The following B4GALT6 variants were observed in gnomAD, a reference collection of about 807,000 sequenced individuals.
The protein encoded by B4GALT6 is UDP-Gal:beta-GlcNAc beta-1,4-galactosyltransferase 6.
A neutral mutation model predicts 46.3 loss-of-function variants in B4GALT6; 14 were observed. That is an observed-to-expected ratio of 0.30 (90% CI 0.20 to 0.47). The LOEUF (loss-of-function observed/expected upper bound fraction) is 0.47. B4GALT6 is among the 20% of genes least tolerant of loss of function. B4GALT6 has a pLI of 0.99. For synonymous variants in B4GALT6, 168 were observed against 162.0 expected (o/e 1.04, Z -0.28); for missense variants, 386 against 480.1 (o/e 0.80, Z 1.83).
the B4GALT6 span, among the ~76,000 whole-genome samples, chr18:31,698,897 C>T: frequency 5.3e-5 from 8 of 151,908 alleles, 1 homozygote; most frequent in East Asian, 1.5e-3. Context: ...ATGGCGAAAC[C>T]CTGTCTCTAT....
intron 1 of B4GALT6, among the ~76,000 whole-genome samples, chr18:31,669,015 CAAA>C (rs34372600): frequency 2.2e-4 from 22 of 101,004 alleles, no homozygotes; most frequent in Admixed American, 4.1e-4. Context: ...GACCCTGTGT[CAAA>C]AAAAAAAAAA....
chr18:31,649,578 A>C (rs1319524184), intron 3 of B4GALT6, among the ~76,000 whole-genome samples: 1 of 53,782 alleles, frequency 1.9e-5, no homozygotes, highest in Non-Finnish European at 3.5e-5. Flanking sequence ...AAATGAGCAA[A>C]AAAAAAAAAA....
the B4GALT6 span, among the ~76,000 whole-genome samples, chr18:31,716,379 C>G: frequency 3.3e-5 from 5 of 152,160 alleles, no homozygotes; most frequent in Admixed American, 2.6e-4. Flanking sequence ...ATGGCAGTGA[C>G]AACAGAGAAT....
the B4GALT6 span, among the ~76,000 whole-genome samples, chr18:31,705,965 A>C: frequency 6.6e-6 from 1 of 152,232 alleles, no homozygotes; most frequent in African/African-American, 2.4e-5. Flanking sequence ...TAATGAGTTA[A>C]TAAATCTTTA....
intron 4 of B4GALT6, 84 bp downstream of exon 4, chr18:31,645,271 T>G: frequency 6.5e-7 from 1 of 1,541,776 alleles, no homozygotes; most frequent in Non-Finnish European, 8.8e-7. Flanking sequence ...TTAAAGACAT[T>G]TGTCTCTGTA....
intron 1 of B4GALT6, among the ~76,000 whole-genome samples, chr18:31,667,867 C>A (rs1274746089): frequency 6.6e-6 from 1 of 152,028 alleles, no homozygotes; most frequent in Non-Finnish European, 1.5e-5. Context: ...GAGGCCGAGG[C>A]GGTTGGATCA....
At chr18:31,684,591 G>T, upstream of B4GALT6, 1 of 1,391,358 alleles carries the variant, frequency 7.2e-7, no homozygotes, top group Non-Finnish European at 9.4e-7. Flanking sequence ...GGAAATGGGA[G>T]GGAGCGGACG....
In B4GALT6 at chr18:31,625,311, C is replaced by T. The variant is rs1156533627; in HGVS notation, c.*303G>A. On this transcript the variant is annotated 3_prime_UTR_variant, in exon 9 of 9. Coordinates refer to ENST00000306851, the MANE Select transcript of B4GALT6 (RefSeq NM_004775.5). ...GTTTAAACGGAAATAAAAGCATTCT[C>T]TTGAATTAAATTATAGATTTTAGTA... 3.5e-6 allele frequency: 1 copy of T among 281,862 alleles called. No homozygotes were observed. Among genetic ancestry groups the T allele is most frequent in the African/African-American group, 2.2e-5 (1 of 45,290 alleles). 17.5% of individuals were successfully genotyped at this position (281,862 alleles called of 1,614,324 possible).
upstream of B4GALT6, among the ~76,000 whole-genome samples, chr18:31,689,743 A>G (rs983926616): frequency 6.6e-6 from 1 of 152,044 alleles, no homozygotes; most frequent in African/African-American, 2.4e-5. Context: ...GAAAAAAAGA[A>G]AAAAAGAGGC....
chr18:31,723,839 G>T, the B4GALT6 span, among the ~76,000 whole-genome samples: 9 of 152,252 alleles, frequency 5.9e-5, no homozygotes, highest in South Asian at 1.9e-3. Flanking sequence ...AGCATCTCTC[G>T]GATTTCAGCT....
the B4GALT6 span, among the ~76,000 whole-genome samples, chr18:31,702,850 G>C: frequency 6.6e-6 from 1 of 152,158 alleles, no homozygotes; most frequent in Non-Finnish European, 1.5e-5. Context: ...AAGTGAGGAA[G>C]GAAAGGTCAA....
chr18:31,708,620 T>C, the B4GALT6 span, among the ~76,000 whole-genome samples: 1 of 152,004 alleles, frequency 6.6e-6, no homozygotes, highest in Non-Finnish European at 1.5e-5. Context: ...TAGAATAATA[T>C]TGACACCTGA....
At chr18:31,724,112 G>C in the B4GALT6 span, 1 of 286,358 alleles carries the variant, frequency 3.5e-6, no homozygotes, top group South Asian at 3.4e-5. Context: ...CCCTGGTGAC[G>C]CGGAGCGGAT....
intron 2 of B4GALT6, among the ~76,000 whole-genome samples, chr18:31,660,045 T>G (rs917052342): frequency 2.0e-5 from 3 of 150,192 alleles, no homozygotes; most frequent in Non-Finnish European, 4.4e-5. Flanking sequence ...ATTGACTTCC[T>G]GGGCTCAAGT....
chr18:31,693,233 A>G, the B4GALT6 span, among the ~76,000 whole-genome samples: 21 of 152,180 alleles, frequency 1.4e-4, no homozygotes, highest in African/African-American at 5.1e-4. Context: ...CGAGAACACA[A>G]CACACATTGT....
At chr18:31,704,318 C>T in the B4GALT6 span, among the ~76,000 whole-genome samples, 1 of 151,806 alleles carries the variant, frequency 6.6e-6, no homozygotes, top group African/African-American at 2.4e-5. Context: ...AAGCGATTCT[C>T]CTGCCTCAGC....
upstream of B4GALT6, among the ~76,000 whole-genome samples, chr18:31,690,503 CTT>C (rs2030071895): frequency 1.3e-5 from 2 of 151,106 alleles, no homozygotes; most frequent in East Asian, 2.0e-4. Flanking sequence ...GAATTTCACT[CTT>C]GTCGCACAGG....
intron 3 of B4GALT6, among the ~76,000 whole-genome samples, chr18:31,655,181 C>G (rs1342835483): frequency 1.3e-5 from 2 of 152,236 alleles, no homozygotes; most frequent in African/African-American, 2.4e-5. Flanking sequence ...TCGGGCAGCT[C>G]GTGCAAGGCT....
chr18:31,656,027 C>G (rs1478819846), intron 3 of B4GALT6, among the ~76,000 whole-genome samples: 3 of 152,128 alleles, frequency 2.0e-5, no homozygotes, highest in Admixed American at 2.0e-4. Flanking sequence ...GATTCTCAGG[C>G]CCGCTCCAGA....
Sources: allele counts gnomAD v4.1 joint callset (sites outside exome capture counted in the v4.1 genomes callset), GRCh38; gene constraint gnomAD v4.1.1; transcripts MANE v1.5; gene names NCBI Gene and HGNC (gene_info 2026-07-23, HGNC 2026-07-21).